The following CDS1 variants were observed in gnomAD, a reference collection of about 807,000 sequenced individuals.
The protein encoded by CDS1 is CDP-diacylglycerol synthase 1, also known as phosphatidate cytidylyltransferase 1.
In CDS1, 41 loss-of-function variants were observed where a neutral mutation model predicts 62.1. That is an observed-to-expected ratio of 0.66 (90% CI 0.51 to 0.86). The LOEUF is 0.86. Ranked by LOEUF, CDS1 falls within the 40% of genes least tolerant of loss-of-function variation. The pLI is 0.00. For missense variants in CDS1, 470 were observed against 550.1 expected (o/e 0.85, Z 1.46); for synonymous variants, 185 against 192.6 (o/e 0.96, Z 0.32).
chr4:84,643,108 T>G lies in CDS1; in HGVS notation c.1117T>G (p.Phe373Val). 1 of 1,613,268 alleles carries G rather than the reference T, an allele frequency of 6.2e-7. No individual in the cohort carries two copies. Among genetic ancestry groups the G allele is most frequent in the Non-Finnish European group, 8.5e-7 (1 of 1,179,522 alleles). Residue 373 changes from phenylalanine to valine, a missense_variant, in exon 11 of 13, where the codon TTT becomes GTT. Phe to Val is a conservative substitution (Grantham distance 50, BLOSUM62 -1). Around this residue, in one of 5 missense-constraint regions of CDS1, gnomAD observed 214 missense variants for 242.4 expected, o/e 0.88. Coordinates refer to ENST00000295887, the MANE Select transcript of CDS1 (RefSeq NM_001263.4). The stretch of plus-strand genomic sequence containing the variant: ...TTTAATTGGCCCATTTGGAGGCTTC[T>G]TTGCTAGTGGATTCAAAAGAGCCTT... The part of the protein sequence containing the change: ...ASLIGPFGGF[F>V]ASGFKRAFKI...
chr4:84,642,523 T>C (rs1724417451), intron 10 of CDS1, among the ~76,000 whole-genome samples: 1 of 152,200 alleles, frequency 6.6e-6, no homozygotes, highest in South Asian at 2.1e-4. Context: ...GTCTCACTGA[T>C]GCTCATTTTG....
chr4:84,617,193 A>G (rs1243458357), intron 3 of CDS1, among the ~76,000 whole-genome samples: 1 of 152,220 alleles, frequency 6.6e-6, no homozygotes, highest in African/African-American at 2.4e-5. Context: ...AAGAAACATA[A>G]TGGACAGGTT....
chr4:84,645,337 C>CT lies in CDS1; in HGVS notation c.1256+14dup. The CT allele has an allele frequency of 6.9e-7, 1 of 1,445,434 alleles. No homozygotes were observed. The highest frequency in any genetic ancestry group is 1.2e-5 in the South Asian group (1 of 85,824). 89.5% of individuals were successfully genotyped at this position (1,445,434 alleles called of 1,614,324 possible). ...ACAAGTTTTATAAGGTACTTTTACA[C>CT]TTGAGACATTTTTTAGATGATTTCT... On this transcript the variant is annotated intron_variant, in intron 12 of 12. Transcript: ENST00000295887.
chr4:84,619,251 G>T (rs1366333088), intron 4 of CDS1, 143 bp from the exon 5 acceptor site: 2 of 444,608 alleles, frequency 4.5e-6, no homozygotes, highest in Non-Finnish European at 7.8e-6. Flanking sequence ...CAGGAAAATA[G>T]CATTTTGGTA....
chr4:84,591,981 G>A (rs1722602637), intron 1 of CDS1, among the ~76,000 whole-genome samples: 1 of 152,106 alleles, frequency 6.6e-6, no homozygotes, highest in African/African-American at 2.4e-5. Flanking sequence ...AGCACTTCAA[G>A]TGTTTCATCG....
At chr4:84,615,546 C>T (rs1723464025) in intron 3 of CDS1, among the ~76,000 whole-genome samples, 1 of 152,098 alleles carries the variant, frequency 6.6e-6, no homozygotes, top group Non-Finnish European at 1.5e-5. Context: ...GGTGGTGACT[C>T]TGCAGATCCT....
chr4:84,595,403 A>G (rs1722718990), intron 1 of CDS1, among the ~76,000 whole-genome samples: 1 of 152,132 alleles, frequency 6.6e-6, no homozygotes, highest in Non-Finnish European at 1.5e-5. Flanking sequence ...TCAATTATTT[A>G]TAATACCTCA....
At chr4:84,608,060 G>T (rs1335330121) in intron 2 of CDS1, among the ~76,000 whole-genome samples, 1 of 152,194 alleles carries the variant, frequency 6.6e-6, no homozygotes, top group East Asian at 1.9e-4. Flanking sequence ...GGTCGGGCAT[G>T]CCAGGCCCTT....
Position 84,630,261 on chromosome 4 carries a change from TTC to T in CDS1, c.581-1552_581-1551del, listed in dbSNP as rs764516764. On this transcript the variant is annotated intron_variant, in intron 5 of 12. Coordinates refer to ENST00000295887, the MANE Select transcript of CDS1 (RefSeq NM_001263.4). ...TTAGTATCTCTCTCTCTCTCATTCT[TTC>T]TCTCTTTCCTTTCTCTCAATAAAGT... Among the ~76,000 whole-genome samples the T allele has an allele frequency of 7.9e-5, 12 of 152,342 alleles. No homozygotes were observed. The East Asian group carries it at 1.7e-3, about 22-fold the overall frequency.
intron 1 of CDS1, among the ~76,000 whole-genome samples, chr4:84,587,873 A>G (rs915561603): frequency 6.6e-6 from 1 of 151,862 alleles, no homozygotes; most frequent in African/African-American, 2.4e-5. Flanking sequence ...GAGAGAATAG[A>G]TGGTGAATAT....
intron 6 of CDS1, among the ~76,000 whole-genome samples, chr4:84,633,006 C>T (rs1213982776): frequency 1.3e-5 from 2 of 152,106 alleles, no homozygotes; most frequent in South Asian, 2.1e-4. Flanking sequence ...CACCTGTAGT[C>T]CCAGCTACTG....
intron 8 of CDS1, among the ~76,000 whole-genome samples, chr4:84,636,384 A>G (rs574901100): frequency 9.3e-4 from 142 of 152,310 alleles, no homozygotes; most frequent in African/African-American, 3.3e-3. Context: ...AATTGGTTCT[A>G]TTTATGGGCA....
intron 1 of CDS1, among the ~76,000 whole-genome samples, chr4:84,593,938 GC>G (rs956993882): frequency 1.3e-5 from 2 of 152,204 alleles, no homozygotes; most frequent in African/African-American, 4.8e-5. Flanking sequence ...GGGTGAGGCA[GC>G]GAGTCTGAAA....
At chr4:84,644,124 G>C (rs1724479709) in intron 11 of CDS1, among the ~76,000 whole-genome samples, 2 of 152,158 alleles carry the variant, frequency 1.3e-5, no homozygotes, top group Admixed American at 1.3e-4. Context: ...GCGGCCTACG[G>C]GGTCAGGGAA....
chr4:84,646,066 G>A (rs1724550212), intron 12 of CDS1, among the ~76,000 whole-genome samples: 2 of 152,094 alleles, frequency 1.3e-5, no homozygotes, highest in South Asian at 2.1e-4. Context: ...CTCTACTGGG[G>A]GCCCAGAAGG....
intron 1 of CDS1, among the ~76,000 whole-genome samples, chr4:84,597,651 A>G (rs903487192): frequency 6.6e-6 from 1 of 152,142 alleles, no homozygotes; most frequent in African/African-American, 2.4e-5. Context: ...CAGTGTTACT[A>G]AGTCCCTTGA....
intron 12 of CDS1, 114 bp from the exon 13 acceptor site, chr4:84,648,443 G>T (rs553583738): frequency 2.1e-6 from 2 of 947,196 alleles, no homozygotes; most frequent in Non-Finnish European, 3.1e-6. Flanking sequence ...TTTTAATTCT[G>T]TAAAGATTCC....
intron 6 of CDS1, among the ~76,000 whole-genome samples, chr4:84,633,400 T>G (rs775670398): frequency 5.3e-5 from 8 of 152,204 alleles, no homozygotes; most frequent in Non-Finnish European, 8.8e-5. Context: ...TCATTTGAAG[T>G]TGGAAATAAC....
intron 10 of CDS1, among the ~76,000 whole-genome samples, chr4:84,642,205 A>C (rs1724406558): frequency 6.6e-6 from 1 of 152,084 alleles, no homozygotes; most frequent in African/African-American, 2.4e-5. Context: ...TACACCTGTA[A>C]TTCCAGCTAC....
Sources: allele counts gnomAD v4.1 joint callset (sites outside exome capture counted in the v4.1 genomes callset), GRCh38; gene constraint gnomAD v4.1.1; regional missense constraint gnomAD v4.1.1; transcripts MANE v1.5; gene names NCBI Gene and HGNC (gene_info 2026-07-23, HGNC 2026-07-21).